ABCC10: variants seen among roughly 807,000 people sequenced by gnomAD.
ABCC10 encodes the protein ATP binding cassette subfamily C member 10.
A neutral mutation model predicts 143.2 loss-of-function variants in ABCC10; 110 were observed. That is an observed-to-expected ratio of 0.77 (90% CI 0.66 to 0.90). The LOEUF is 0.90. Among genes scored for constraint, ABCC10 ranks in the 40% least tolerant of loss-of-function variants. The probability of loss-of-function intolerance (pLI) is 0.00; values close to 1 mark genes in which losing one functional copy is unlikely to be tolerated. For missense variants in ABCC10, 1,700 were observed against 1,900.5 expected (o/e 0.89, Z 1.96); for synonymous variants, 805 against 846.7 (o/e 0.95, Z 0.85).
Position 43,447,294 on chromosome 6 carries a change from G to A in ABCC10, c.3591G>A (p.Leu1197=), listed in dbSNP as rs150253600. ...CTTATGCCCTGTCCCTGACGGGCCT[G>A]CTCTCGGGCCTGGTGAGCAGCTTCA... The part of the protein sequence containing the change: ...SLSYALSLTG[L]LSGLVSSFTQ... Residue 1197 remains leucine, a synonymous_variant, in exon 17 of 22, where the codon CTG becomes CTA. Coordinates refer to ENST00000372530, the MANE Select transcript of ABCC10 (RefSeq NM_001198934.2). The A allele has an allele frequency of 2.4e-4, 382 of 1,613,694 alleles. No homozygotes were observed. The African/African-American group carries it at 4.8e-3, about 20-fold the overall frequency.
At chr6:43,429,539 C>T (rs934669227) in intron 2 of ABCC10, among the ~76,000 whole-genome samples, 5 of 152,012 alleles carry the variant, frequency 3.3e-5, no homozygotes, top group South Asian at 2.1e-4. Context: ...CTCCAGCAAC[C>T]TCTCACCTCA....
intron 2 of ABCC10, chr6:43,430,685 C>T (rs1781029335): frequency 6.6e-6 from 1 of 151,992 alleles, no homozygotes; most frequent in Admixed American, 6.6e-5. Context: ...TTCAAGACAT[C>T]CTGATACTCA....
Position 43,447,261 on chromosome 6 carries a change from G to C in ABCC10, c.3558G>C (p.Leu1186Phe). ...TCTCTCCCCCAGGGCTGGTGGGCTT[G>C]TCGCTGTCTTATGCCCTGTCCCTGA... ...QGLANPGLVG[L>F]SLSYALSLTG... Residue 1186 changes from leucine to phenylalanine, a missense_variant, in exon 17 of 22, where the codon TTG (leucine) becomes TTC (phenylalanine). By Grantham distance (22) the Leu-to-Phe change is conservative. Coordinates refer to ENST00000372530, the MANE Select transcript of ABCC10 (RefSeq NM_001198934.2). The C allele has an allele frequency of 6.2e-7, 1 of 1,613,440 alleles. No individual in the cohort carries two copies. The highest frequency in any genetic ancestry group is 1.1e-5 in the South Asian group (1 of 91,048).
rs1562175063 is a variant in ABCC10, at chr6:43,434,806, C to T, written c.1566C>T (p.Phe522=). 6.2e-7 allele frequency: 1 copy of T among 1,614,186 alleles called. No individual in the cohort carries two copies. Among genetic ancestry groups the T allele is most frequent in the Non-Finnish European group, 8.5e-7 (1 of 1,180,034 alleles). The change falls in exon 4 of 22, where the codon TTC becomes TTT. Residue 522 remains phenylalanine, a synonymous_variant. Transcript: ENST00000372530. ...ALPVVISIVI[F]ITYVLMGHQL... The stretch of plus-strand genomic sequence containing the variant: ...CGGTTGTCATCTCCATCGTTATCTT[C>T]ATCACCTATGTCCTCATGGGGCACC...
rs1183422306 is a variant in ABCC10, at chr6:43,435,806, C to T, written c.1664C>T (p.Pro555Leu). 2 of 1,614,206 alleles carry T rather than the reference C, an allele frequency of 1.2e-6. No individual in the cohort carries two copies. The highest frequency in any genetic ancestry group is 4.5e-5 in the East Asian group (2 of 44,880). Residue 555 changes from proline (P) to leucine (L), a missense_variant, in exon 5 of 22, where the codon CCT becomes CTT. Coordinates refer to ENST00000372530, the MANE Select transcript of ABCC10 (RefSeq NM_001198934.2). The stretch of plus-strand genomic sequence containing the variant: ...CTCATTCTTCCTCTCAACAACTTCC[C>T]TTGGGTGATCAATGGTCTCCTGGAG... ...RMLILPLNNF[P>L]WVINGLLEAK...
chr6:43,433,508 C>G, intron 3 of ABCC10, 148 bp downstream of exon 3: 1 of 1,380,280 alleles, frequency 7.2e-7, no homozygotes, highest in Non-Finnish European at 9.5e-7. Flanking sequence ...GGTTCAAATC[C>G]TGGCTCTACA....
chr6:43,450,773 G>A, downstream of ABCC10: 1 of 1,614,216 alleles, frequency 6.2e-7, no homozygotes. This position sits in a 1 kb window ranked among gnomAD's most constrained non-coding sequence, Gnocchi z 4.5. Flanking sequence ...GGGCCACCAA[G>A]CTAGGCTCAC....
At chr6:43,428,278 C>T in intron 2 of ABCC10, 139 bp downstream of exon 2, 1 of 1,050,530 alleles carries the variant, frequency 9.5e-7, no homozygotes, top group African/African-American at 1.6e-5. Flanking sequence ...AGCATTGCTA[C>T]TTAGCAGCAA....
chr6:43,432,663 G>C lies in ABCC10; in HGVS notation c.683G>C (p.Trp228Ser). The change falls in exon 3 of 22, where the codon TGG becomes TCG. Residue 228 changes from tryptophan to serine, a missense_variant. Physicochemically the swap from Trp to Ser is radical, Grantham distance 177. Transcript: ENST00000372530. ...ESWLSRFSYA[W>S]LAPLLARGAC... ...TGGCTGTCACGCTTTTCCTATGCCTGGCTGGCACCCTTGCTGGCCCGTGGG... is the reference window on the plus strand; with the variant it reads ...TGGCTGTCACGCTTTTCCTATGCCTCGCTGGCACCCTTGCTGGCCCGTGGG... 6.2e-7 allele frequency: 1 copy of C among 1,613,940 alleles called. No homozygotes were observed. Among genetic ancestry groups the C allele is most frequent in the Non-Finnish European group, 8.5e-7 (1 of 1,180,030 alleles).
In ABCC10 at chr6:43,437,997, G is replaced by T. The variant is rs759665986; in HGVS notation, c.1939G>T (p.Ala647Ser). 6 of 1,612,466 alleles carry T rather than the reference G, an allele frequency of 3.7e-6. No individual in the cohort carries two copies. The highest frequency in any genetic ancestry group is 2.7e-5 in the African/African-American group (2 of 74,918). The change falls in exon 7 of 22, where the codon GCT becomes TCT. Residue 647 changes from alanine to serine, a missense_variant. By Grantham distance (99) the Ala-to-Ser change is moderately conservative. Coordinates refer to ENST00000372530, the MANE Select transcript of ABCC10 (RefSeq NM_001198934.2). Reference sequence around the variant, plus strand: ...GAAGAGCTCCCTGCTGGCTGCCATCGCTGGAGAGCTCCACAGGTAACCAAC... The same window carrying T: ...GAAGAGCTCCCTGCTGGCTGCCATCTCTGGAGAGCTCCACAGGTAACCAAC... ...CGKSSLLAAI[A>S]GELHRLRGHV...
At chr6:43,450,450 G>T, downstream of ABCC10, 3 of 1,427,750 alleles carry the variant, frequency 2.1e-6, no homozygotes, top group Admixed American at 2.5e-5. The surrounding 1 kb of genome is among the most constrained non-coding windows in gnomAD (Gnocchi z 4.5). Flanking sequence ...CTCTGTGTGT[G>T]TACCCAAGCT....
intron 3 of ABCC10, 94 bp downstream of exon 3, chr6:43,433,454 G>A (rs1781352209): frequency 2.0e-5 from 29 of 1,452,926 alleles, no homozygotes; most frequent in Non-Finnish European, 2.6e-5. Flanking sequence ...GGGAGTGAGA[G>A]TGACCTCAAA....
At position 43,449,153 on chromosome 6, in the gene ABCC10, T is replaced by C; in HGVS notation, c.4152T>C (p.Leu1384=). 1.9e-6 allele frequency: 3 copies of C among 1,614,000 alleles called. No homozygotes were observed. The highest frequency in any genetic ancestry group is 2.5e-6 in the Non-Finnish European group (3 of 1,179,962). Residue 1384 remains leucine (L), a synonymous_variant, in exon 20 of 22, where the codon CTT becomes CTC. Coordinates refer to ENST00000372530, the MANE Select transcript of ABCC10 (RefSeq NM_001198934.2). ...GTGAGGGGGGCCGGAGCTTATCTCTTGGGCAGAGGCAGCTGTTGTGTTTGG... is the reference window on the plus strand; with the variant it reads ...GTGAGGGGGGCCGGAGCTTATCTCTCGGGCAGAGGCAGCTGTTGTGTTTGG... ...ELGEGGRSLS[L]GQRQLLCLAR... is the part of the protein sequence containing the mutation.
At chr6:43,451,014 C>G, downstream of ABCC10, 1 of 1,614,078 alleles carries the variant, frequency 6.2e-7, no homozygotes, top group Non-Finnish European at 8.5e-7. This position sits in a 1 kb window ranked among gnomAD's most constrained non-coding sequence, Gnocchi z 4.4. Flanking sequence ...GTCCCGACAG[C>G]GGGCCCCTCT....
In ABCC10 at chr6:43,449,424, C is replaced by G. The variant is rs781227148; in HGVS notation, c.4206C>G (p.Ile1402Met). 4.2e-5 allele frequency: 68 copies of G among 1,612,014 alleles called. No individual in the cohort carries two copies. Among genetic ancestry groups the G allele is most frequent in the Non-Finnish European group, 5.3e-5 (63 of 1,178,904 alleles). Residue 1402 changes from isoleucine to methionine, a missense_variant and splice_region_variant, in exon 21 of 22, where the codon ATC (isoleucine) becomes ATG (methionine). By Grantham distance (10) the Ile-to-Met change is conservative. Coordinates refer to ENST00000372530, the MANE Select transcript of ABCC10 (RefSeq NM_001198934.2). ...CCTACCCCATTCCCATATTCCAGAT[C>G]CTGTGTATCGATGAGGCCACAGCAA... ...LARALLTDAK[I>M]LCIDEATASV...
chr6:43,439,780 C>T (rs1057497184), intron 8 of ABCC10, among the ~76,000 whole-genome samples: 1 of 152,028 alleles, frequency 6.6e-6, no homozygotes, highest in Non-Finnish European at 1.5e-5. Context: ...AACAGGGTTT[C>T]ACCATGTTGG....
rs890969236 is a variant in ABCC10, at chr6:43,441,789, C to G, written c.2128-73C>G. 6 of 1,279,360 alleles carry G rather than the reference C, an allele frequency of 4.7e-6. No homozygotes were observed. The East Asian group carries it at 7.3e-5, about 16-fold the overall frequency. The allele number at this position is 1,279,360 out of a possible 1,614,324, so 79.3% of individuals were successfully genotyped here. A position where few individuals can be genotyped will look rare whatever the true frequency, so the allele number is the denominator to read the frequency against. ...CTACTTCTCTTGACTCCCACTATCT[C>G]CTGCAAAGGGATAGGAAGTGGGCCA... On this transcript the variant is annotated intron_variant, in intron 8 of 21. Transcript: ENST00000372530.
rs764655620 is a variant in ABCC10, at chr6:43,448,993, C to T, written c.4072C>T (p.Gln1358Ter). 2 of 1,614,112 alleles carry T rather than the reference C, an allele frequency of 1.2e-6. No homozygotes were observed. Among genetic ancestry groups the T allele is most frequent in the South Asian group, 1.1e-5 (1 of 91,084 alleles). The change falls in exon 19 of 22, where the codon CAG (glutamine) becomes TAG (stop). Residue 1358 changes from glutamine to a stop codon, truncating the protein, a stop_gained. Transcript: ENST00000372530. LOFTEE classifies it high-confidence loss of function. The part of the protein sequence containing the change: ...KDRALWQALK[Q>*]CHLSEVITSM... Reference sequence around the variant, plus strand: ...CAGGGCCTTGTGGCAGGCCCTGAAGCAGTGCCACCTGAGTGAGGTGATTAC... The same window carrying T: ...CAGGGCCTTGTGGCAGGCCCTGAAGTAGTGCCACCTGAGTGAGGTGATTAC...
intron 2 of ABCC10, among the ~76,000 whole-genome samples, chr6:43,431,394 CCT>C (rs1394700556): frequency 1.3e-5 from 2 of 151,990 alleles, no homozygotes; most frequent in Non-Finnish European, 2.9e-5. Context: ...GGAGTCTTCC[CCT>C]GTCACCCAGG....
Sources: allele counts gnomAD v4.1 joint callset (sites outside exome capture counted in the v4.1 genomes callset), GRCh38; gene constraint gnomAD v4.1.1; non-coding constraint Gnocchi (gnomAD v3.1); transcripts MANE v1.5; gene names NCBI Gene and HGNC (gene_info 2026-07-23, HGNC 2026-07-21).